LAMA1: variants seen among roughly 807,000 people sequenced by gnomAD.
The protein encoded by LAMA1 is laminin subunit alpha-1.
LAMA1 carries 219 observed loss-of-function variants against 348.7 expected under a neutral mutation model. The observed-to-expected ratio is 0.63, with a 90% CI of 0.56 to 0.70. The LOEUF (loss-of-function observed/expected upper bound fraction) is 0.70. Ranked by LOEUF, LAMA1 falls within the 30% of genes least tolerant of loss-of-function variation. The pLI is 0.00. For synonymous variants in LAMA1, 1,487 were observed against 1,491.0 expected, an observed-to-expected ratio of 1.00 and a Z score of 0.06; for missense variants, 3,744 against 3,888.0, an observed-to-expected ratio of 0.96 and a Z score of 0.99.
At chr18:7,105,337 G>T (rs1417478741) in intron 1 of LAMA1, among the ~76,000 whole-genome samples, 1 of 152,114 alleles carries the variant, frequency 6.6e-6, no homozygotes, top group African/African-American at 2.4e-5. Flanking sequence ...TACTTGGGAG[G>T]CTGAGGTGGC....
chr18:6,964,915 T>A, intron 50 of LAMA1, 112 bp from the exon 51 acceptor site: 2 of 1,220,914 alleles, frequency 1.6e-6, no homozygotes, highest in Non-Finnish European at 2.3e-6. Context: ...TTCTTTTAGA[T>A]TCTGCGAATT....
At chr18:6,994,867 G>A (rs1028654654) in intron 34 of LAMA1, among the ~76,000 whole-genome samples, 1 of 152,066 alleles carries the variant, frequency 6.6e-6, no homozygotes, top group Non-Finnish European at 1.5e-5. Flanking sequence ...GCCATTCAGG[G>A]CCCTAAAATC....
At chr18:6,944,147 C>A (rs779632356) in intron 61 of LAMA1, among the ~76,000 whole-genome samples, 1 of 152,092 alleles carries the variant, frequency 6.6e-6, no homozygotes, top group Non-Finnish European at 1.5e-5. Flanking sequence ...TCCCGCATAG[C>A]TGGGATTACA....
rs1288431898 is a variant in LAMA1 at position 6,980,397 on chromosome 18, C to T, written c.6007+124G>A. The T allele has an allele frequency of 5.6e-6, 4 of 714,034 alleles. No homozygotes were observed. In the East Asian group the frequency reaches 1.0e-4, roughly 18 times the overall value. 44.2% of individuals were successfully genotyped at this position (714,034 alleles called of 1,614,324 possible). On this transcript the variant is annotated intron_variant, in intron 42 of 62. Coordinates refer to ENST00000389658, the MANE Select transcript of LAMA1 (RefSeq NM_005559.4). The stretch of plus-strand genomic sequence containing the variant: ...ATTCCTTTGCAAGTAAAAATTTTGC[C>T]AATCTTAGTCTCATTTTTGAGCTAA...
At chr18:7,080,136 A>C (rs16951199) in intron 2 of LAMA1, 49 bp from the exon 3 acceptor site, 117,868 of 1,577,600 alleles carry the variant, frequency 0.075, 4,948 homozygotes, top group East Asian at 0.15. Flanking sequence ...TGTTGCTTTA[A>C]ATTTCTTAAG....
intron 1 of LAMA1, among the ~76,000 whole-genome samples, chr18:7,108,557 G>A: frequency 7.1e-6 from 1 of 139,966 alleles, no homozygotes; most frequent in South Asian, 2.3e-4. Context: ...TCAGGAGGCT[G>A]AGGCAAGAGA....
chr18:7,010,312 A>C lies in LAMA1; in HGVS notation c.3761T>G (p.Phe1254Cys). ...ACCTTTGATGAGAACTTGAGGCTCAAAATTGGAGGTGCCGACGCCATCCAA... is the reference window on the plus strand; with the variant it reads ...ACCTTTGATGAGAACTTGAGGCTCACAATTGGAGGTGCCGACGCCATCCAA... ...YSLDGVGTSN[F>C]EPQVLIKGGR... Residue 1254 changes from phenylalanine (F) to cysteine (C), a missense_variant, in exon 26 of 63, where the codon TTT (phenylalanine) becomes TGT (cysteine). Physicochemically the swap from Phe to Cys is radical, Grantham distance 205. Coordinates refer to ENST00000389658, the MANE Select transcript of LAMA1 (RefSeq NM_005559.4). 6.2e-7 allele frequency: 1 copy of C among 1,614,170 alleles called. No homozygotes were observed.
chr18:7,056,162 A>T (rs2058081233), intron 3 of LAMA1, among the ~76,000 whole-genome samples: 1 of 152,052 alleles, frequency 6.6e-6, no homozygotes. Context: ...GCTACTCATC[A>T]CTGTCCAACT....
In LAMA1 at chr18:7,043,348, T is replaced by G; in HGVS notation, c.1034A>C (p.Gln345Pro). Reference sequence around the variant, plus strand: ...TCCAGCAGTATTCAAACTTTTCTTCTGCTTTGCAACACTTTCATCATAGTA... The same window carrying G: ...TCCAGCAGTATTCAAACTTTTCTTCGGCTTTGCAACACTTTCATCATAGTA... ...DCYYDESVAK[Q>P]KKSLNTAGQF... The change falls in exon 8 of 63, where the codon CAG (glutamine) becomes CCG (proline). Residue 345 changes from glutamine (Q) to proline (P), a missense_variant. Gln to Pro is a moderately conservative substitution (Grantham distance 76, BLOSUM62 -1). This residue lies in a region of LAMA1 where 1,529 missense variants were observed against 1,689.4 expected (regional missense o/e 0.91). Coordinates refer to ENST00000389658, the MANE Select transcript of LAMA1 (RefSeq NM_005559.4). 6.2e-7 allele frequency: 1 copy of G among 1,614,106 alleles called. No homozygotes were observed. Among genetic ancestry groups the G allele is most frequent in the Non-Finnish European group, 8.5e-7 (1 of 1,180,024 alleles).
intron 3 of LAMA1, among the ~76,000 whole-genome samples, chr18:7,053,780 ATT>A (rs371341214): frequency 0.057 from 7,897 of 138,124 alleles, 448 homozygotes; most frequent in East Asian, 0.2. Context: ...TCATTAGAGG[ATT>A]TTTTTTTTTT....
At chr18:7,064,158 T>G (rs567414119) in intron 3 of LAMA1, among the ~76,000 whole-genome samples, 2 of 152,274 alleles carry the variant, frequency 1.3e-5, no homozygotes, top group Non-Finnish European at 2.9e-5. Flanking sequence ...ATTGTGGATT[T>G]TTTTTTGTTT....
intron 61 of LAMA1, 23 bp from the exon 62 acceptor site, chr18:6,943,425 G>A: frequency 6.3e-7 from 1 of 1,594,294 alleles, no homozygotes; most frequent in Non-Finnish European, 8.6e-7. Flanking sequence ...ATCTTGGTGA[G>A]TTTTTGTGTA....
At chr18:7,084,197 C>T (rs888426665) in intron 1 of LAMA1, among the ~76,000 whole-genome samples, 1 of 150,596 alleles carries the variant, frequency 6.6e-6, no homozygotes, top group Admixed American at 6.6e-5. Flanking sequence ...ACTCTTTTTG[C>T]CCAGACTGGT....
intron 1 of LAMA1, among the ~76,000 whole-genome samples, chr18:7,091,420 A>C (rs1598315080): frequency 6.6e-6 from 1 of 152,208 alleles, no homozygotes; most frequent in South Asian, 2.1e-4. Flanking sequence ...AATTTTGCTT[A>C]TATCATTTAT....
In LAMA1 at chr18:6,948,540, G is replaced by C; in HGVS notation, c.8573C>G (p.Pro2858Arg). 6.2e-7 allele frequency: 1 copy of C among 1,614,224 alleles called. No homozygotes were observed. Among genetic ancestry groups the C allele is most frequent in the Non-Finnish European group, 8.5e-7 (1 of 1,180,040 alleles). Residue 2858 changes from proline (P) to arginine (R), a missense_variant, in exon 60 of 63, where the codon CCT becomes CGT. By Grantham distance (103) the Pro-to-Arg change is moderately radical. Around this residue, in one of 3 missense-constraint regions of LAMA1, gnomAD observed 1,983 missense variants for 1,934.3 expected, o/e 1.03. Coordinates refer to ENST00000389658, the MANE Select transcript of LAMA1 (RefSeq NM_005559.4). ...AACCGTCACATCCCCAATGCAGGCAGGGATGCTGTGGGTGATCTAAGCCAA... is the reference window on the plus strand; with the variant it reads ...AACCGTCACATCCCCAATGCAGGCACGGATGCTGTGGGTGATCTAAGCCAA... ...RKIGNITHSI[P>R]ACIGDVTVNS...
rs140311415 is a variant in LAMA1 at position 7,107,057 on chromosome 18, T to C, written c.61+10603A>G. On this transcript the variant is annotated intron_variant, in intron 1 of 62. Coordinates refer to ENST00000389658, the MANE Select transcript of LAMA1 (RefSeq NM_005559.4). Reference sequence around the variant, plus strand: ...TGAATATGAGCAAGCAGAACGTAGATGGCAATGTCCACTCCTATGACTTTA... The same window carrying C: ...TGAATATGAGCAAGCAGAACGTAGACGGCAATGTCCACTCCTATGACTTTA... 7.9e-5 allele frequency among the ~76,000 whole-genome samples: 12 copies of C among 151,834 alleles called. No individual in the cohort carries two copies. The East Asian group carries it at 2.2e-3, about 27-fold the overall frequency.
At chr18:7,060,480 G>A (rs746232618) in intron 3 of LAMA1, among the ~76,000 whole-genome samples, 3 of 152,076 alleles carry the variant, frequency 2.0e-5, no homozygotes, top group Non-Finnish European at 2.9e-5. Flanking sequence ...GGGGAGGAGG[G>A]ACAGGCTGCC....
chr18:7,054,374 T>C lies in LAMA1; in HGVS notation c.346-3438A>G, dbSNP rs1052207792. Among the ~76,000 whole-genome samples, 6 of 149,394 alleles carry C rather than the reference T, an allele frequency of 4.0e-5. No individual in the cohort carries two copies. In the South Asian group the frequency reaches 6.5e-4, roughly 16 times the overall value. ...GTTTTCTGAATTGTCAAGAACGTAGTGAAAATATCACACCCCTGTTTTAGT... is the reference window on the plus strand; with the variant it reads ...GTTTTCTGAATTGTCAAGAACGTAGCGAAAATATCACACCCCTGTTTTAGT... On this transcript the variant is annotated intron_variant, in intron 3 of 62. Transcript: ENST00000389658.
At chr18:7,026,140 T>A in intron 16 of LAMA1, 34 bp from the exon 17 acceptor site, 1 of 1,605,182 alleles carries the variant, frequency 6.2e-7, no homozygotes. Flanking sequence ...CAGCTCAGGT[T>A]GTCTTAAAGG....
Sources: allele counts gnomAD v4.1 joint callset (sites outside exome capture counted in the v4.1 genomes callset), GRCh38; gene constraint gnomAD v4.1.1; regional missense constraint gnomAD v4.1.1; transcripts MANE v1.5; gene names NCBI Gene and HGNC (gene_info 2026-07-23, HGNC 2026-07-21).